PIEZO1: variants seen among roughly 807,000 people sequenced by gnomAD.
The protein encoded by PIEZO1 is piezo type mechanosensitive ion channel component 1 (Er blood group).
In PIEZO1, 296 loss-of-function variants were observed where a neutral mutation model predicts 297.2. That is an observed-to-expected ratio of 1.00 (90% CI 0.91 to 1.10). The LOEUF is 1.10. Ranked by LOEUF, PIEZO1 falls within the 50% of genes least tolerant of loss-of-function variation. PIEZO1 has a pLI of 0.00. For missense variants in PIEZO1, 5,018 were observed against 3,455.5 expected (o/e 1.45, Z -11.34); for synonymous variants, 2,427 against 1,507.5 (o/e 1.61, Z -14.13).
chr16:88,726,982 G>C, intron 24 of PIEZO1, 24 bp from the exon 25 acceptor site: 1 of 1,549,386 alleles, frequency 6.5e-7, no homozygotes, highest in African/African-American at 1.4e-5. Context: ...GCGTCAGGGC[G>C]GGCGCCCCGG....
intron 2 of PIEZO1, among the ~76,000 whole-genome samples, chr16:88,749,060 A>ACCCCGTCT (rs1475129257): frequency 1.3e-5 from 2 of 150,712 alleles, no homozygotes; most frequent in Non-Finnish European, 3.0e-5. Context: ...TCACGGTGAA[A>ACCCCGTCT]CCCCGTCTCT....
In PIEZO1 at chr16:88,715,999, A is replaced by T; in HGVS notation, c.7250T>A (p.Leu2417Gln). Residue 2417 changes from leucine (L) to glutamine (Q), a missense_variant, in exon 50 of 51, where the codon CTG becomes CAG. Physicochemically the swap from Leu to Gln is moderately radical, Grantham distance 113. Transcript: ENST00000301015. ...ELQECRTDCNLLPMVIFSDKV... is the reference protein window; with the variant it reads ...ELQECRTDCNQLPMVIFSDKV... The stretch of plus-strand genomic sequence containing the variant: ...GTCACTGAAAATGACCATGGGCAGC[A>T]GGTTGCAGTCGGTCCGGCACTCCTG... 6.5e-7 allele frequency: 1 copy of T among 1,550,224 alleles called. No homozygotes were observed. The highest frequency in any genetic ancestry group is 8.7e-7 in the Non-Finnish European group (1 of 1,146,914).
chr16:88,740,071 C>T (rs575520253), intron 5 of PIEZO1: 1 of 152,052 alleles, frequency 6.6e-6, no homozygotes, highest in African/African-American at 2.4e-5. Flanking sequence ...GACTTGGGCC[C>T]CACGTGCCGC....
rs117810095 is a variant in PIEZO1, at chr16:88,765,461, C to T, written c.65-15982G>A. Among the ~76,000 whole-genome samples the T allele has an allele frequency of 3.4e-3, 514 of 152,304 alleles. 6 individuals are homozygous for T. Among genetic ancestry groups the T allele is most frequent in the East Asian group, 0.024 (122 of 5,182 alleles). On this transcript the variant is annotated intron_variant, in intron 1 of 50. Transcript: ENST00000301015. ...TCTGGTCCTAGCTCAGCCCTCCCCT[C>T]TCTGTGCCTTGAGTTCCCAGTAAGT...
At chr16:88,746,544 G>A (rs1906067374) in intron 2 of PIEZO1, among the ~76,000 whole-genome samples, 1 of 152,180 alleles carries the variant, frequency 6.6e-6, no homozygotes, top group Non-Finnish European at 1.5e-5. Context: ...CCTACAAGGG[G>A]ACCAAGGCTC....
chr16:88,780,072 T>C (rs1216058655), intron 1 of PIEZO1, among the ~76,000 whole-genome samples: 1 of 152,022 alleles, frequency 6.6e-6, no homozygotes, highest in Non-Finnish European at 1.5e-5. Context: ...CAGAGCAAGA[T>C]AGGGTCGGCT....
intron 1 of PIEZO1, among the ~76,000 whole-genome samples, chr16:88,766,793 G>A (rs1907200480): frequency 6.6e-6 from 1 of 152,218 alleles, no homozygotes; most frequent in Non-Finnish European, 1.5e-5. Flanking sequence ...CCCAGAACGG[G>A]GACCCGGCCC....
Position 88,721,700 on chromosome 16 carries a change from G to C in PIEZO1, c.5241C>G (p.Phe1747Leu), listed in dbSNP as rs1184731756. Residue 1747 changes from phenylalanine (F) to leucine (L), a missense_variant, in exon 38 of 51, where the codon TTC (phenylalanine) becomes TTG (leucine). Physicochemically the swap from Phe to Leu is conservative, Grantham distance 22. Transcript: ENST00000301015. ...TGTTCCAGGGGAAGAACCCAAACTG[G>C]AACAGGTACTTGACGACCACCGCGA... The part of the protein sequence containing the change: ...TEIAVVVKYL[F>L]QFGFFPWNSH... The C allele has an allele frequency of 1.9e-6, 3 of 1,547,808 alleles. No individual in the cohort carries two copies. Among genetic ancestry groups the C allele is most frequent in the African/African-American group, 1.4e-5 (1 of 72,930 alleles).
At chr16:88,757,002 G>T (rs1343125772) in intron 1 of PIEZO1, among the ~76,000 whole-genome samples, 1 of 152,084 alleles carries the variant, frequency 6.6e-6, no homozygotes. Context: ...CGTGAACCCA[G>T]GAGATGGAGC....
chr16:88,776,411 G>A (rs1597489451), intron 1 of PIEZO1, among the ~76,000 whole-genome samples: 1 of 152,000 alleles, frequency 6.6e-6, no homozygotes, highest in East Asian at 1.9e-4. Context: ...TCCAGCCAGG[G>A]CGACAGAGCG....
At position 88,726,701 on chromosome 16, in the gene PIEZO1, G is replaced by GTT; in HGVS notation, c.3699+13_3699+14insAA. 2 of 1,548,090 alleles carry GTT rather than the reference G, an allele frequency of 1.3e-6. No individual in the cohort carries two copies. The highest frequency in any genetic ancestry group is 1.7e-6 in the Non-Finnish European group (2 of 1,145,190). ...GGCCCCAGGGCGGTGGGTGCGGGGG[G>GTT]GCCGGAGGCTCACCGACAGCATGTT... On this transcript the variant is annotated intron_variant, in intron 25 of 50. Transcript: ENST00000301015.
At chr16:88,721,036 G>A (rs1206282213) in intron 39 of PIEZO1, 130 bp downstream of exon 39, 6 of 986,140 alleles carry the variant, frequency 6.1e-6, no homozygotes, top group Non-Finnish European at 8.7e-6. Flanking sequence ...TGGCTCAGAA[G>A]TGGCACCTTC....
chr16:88,756,853 G>T (rs1269237569), intron 1 of PIEZO1, among the ~76,000 whole-genome samples: 1 of 152,020 alleles, frequency 6.6e-6, no homozygotes, highest in African/African-American at 2.4e-5. Flanking sequence ...GAGGCGGGCA[G>T]ATCAGAAGGT....
chr16:88,749,053 C>A (rs549546344), intron 2 of PIEZO1, among the ~76,000 whole-genome samples: 6 of 150,916 alleles, frequency 4.0e-5, no homozygotes, highest in Non-Finnish European at 5.9e-5. Flanking sequence ...CTGGCTATCA[C>A]GGTGAAACCC....
At chr16:88,757,391 G>C (rs1330988896) in intron 1 of PIEZO1, among the ~76,000 whole-genome samples, 1 of 151,034 alleles carries the variant, frequency 6.6e-6, no homozygotes, top group African/African-American at 2.4e-5. Context: ...GACAGTGCCT[G>C]AGAGTGTGTG....
chr16:88,769,428 A>G (rs564591107), intron 1 of PIEZO1, among the ~76,000 whole-genome samples: 1 of 152,350 alleles, frequency 6.6e-6, no homozygotes, highest in Non-Finnish European at 1.5e-5. Context: ...GCTTGGATTT[A>G]GATTTCGGAC....
Position 88,716,867 on chromosome 16 carries a change from GACGGCTGCTGGGCGCTCATGGTGA to G in PIEZO1, c.6668_6691del (p.Phe2223_Pro2230del). On this transcript the variant is annotated inframe_deletion, in exon 46 of 51. Coordinates refer to ENST00000301015, the MANE Select transcript of PIEZO1 (RefSeq NM_001142864.4). ...GGCCTGGGCCGTGAAGGGGATGATG[GACGGCTGCTGGGCGCTCATGGTGA>G]ACAGCGGCTGGGGCAGGCACGGGGA... The G allele has an allele frequency of 6.5e-7, 1 of 1,550,058 alleles. No individual in the cohort carries two copies. The highest frequency in any genetic ancestry group is 8.7e-7 in the Non-Finnish European group (1 of 1,146,956).
chr16:88,779,537 C>T (rs1335142321), intron 1 of PIEZO1, among the ~76,000 whole-genome samples: 1 of 152,256 alleles, frequency 6.6e-6, no homozygotes, highest in Non-Finnish European at 1.5e-5. Flanking sequence ...CCTCCACTGG[C>T]CCTGAACCAG....
rs1334841003 is a variant in PIEZO1, at chr16:88,716,177, A to G, written c.7129+21T>C. ...AGGTCACCCCTCTCTAGCCTCCCCC[A>G]ACCCCCACGCCCATACTCACTGGGC... On this transcript the variant is annotated intron_variant, in intron 49 of 50. Coordinates refer to ENST00000301015, the MANE Select transcript of PIEZO1 (RefSeq NM_001142864.4). The G allele has an allele frequency of 1.1e-5, 17 of 1,513,794 alleles. No homozygotes were observed. The East Asian group carries it at 3.9e-4, about 35-fold the overall frequency. 93.8% of individuals were successfully genotyped at this position (1,513,794 alleles called of 1,614,324 possible).
Sources: gnomAD v4.1 joint callset for allele counts (sites outside exome capture counted in the v4.1 genomes callset) on GRCh38, gnomAD v4.1.1 for gene constraint, MANE v1.5 for transcripts, NCBI Gene and HGNC (gene_info 2026-07-23, HGNC 2026-07-21) for gene names.